AQR: variants seen among roughly 807,000 people sequenced by gnomAD.
AQR encodes aquarius intron-binding spliceosomal factor.
In AQR, 61 loss-of-function variants were observed where a neutral mutation model predicts 180.5. The ratio of observed to expected loss-of-function variants is 0.34; its 90% CI spans 0.28 to 0.42. The LOEUF (loss-of-function observed/expected upper bound fraction) is 0.42. Among genes scored for constraint, AQR ranks in the 10% least tolerant of loss-of-function variants. The pLI is 1.00. For synonymous variants in AQR, 551 were observed against 588.8 expected, an observed-to-expected ratio of 0.94 and a Z score of 0.93; for missense variants, 1,281 against 1,798.3, an observed-to-expected ratio of 0.71 and a Z score of 5.20.
chr15:34,926,642 C>G (rs1019707925), intron 13 of AQR, among the ~76,000 whole-genome samples: 1 of 152,194 alleles, frequency 6.6e-6, no homozygotes, highest in Non-Finnish European at 1.5e-5. Context: ...AGATAGCTAA[C>G]TGCCAGAGGA....
In AQR at chr15:34,870,904, A is replaced by G; in HGVS notation, c.3616T>C (p.Tyr1206His). The change falls in exon 31 of 35, where the codon TAT becomes CAT. Residue 1206 changes from tyrosine (Y) to histidine (H), a missense_variant. Around this residue, in one of 9 missense-constraint regions of AQR, gnomAD observed 197 missense variants for 320.7 expected, o/e 0.61. Transcript: ENST00000156471. The stretch of plus-strand genomic sequence containing the variant: ...ATGTACATAAAAAGTGCTACTACAT[A>G]TTCTGCCTCTCCAAGATTCTGTAAT... ...YFYQNLGEAE[Y>H]VVALFMYMCL... The G allele has an allele frequency of 1.1e-5, 18 of 1,612,398 alleles. No homozygotes were observed. The highest frequency in any genetic ancestry group is 1.5e-5 in the Non-Finnish European group (18 of 1,179,046).
chr15:34,913,781 C>A (rs1893535241), intron 16 of AQR, among the ~76,000 whole-genome samples: 1 of 152,184 alleles, frequency 6.6e-6, no homozygotes, highest in Admixed American at 6.5e-5. Flanking sequence ...ATCAAGCACT[C>A]CCCTAGGGTG....
chr15:34,872,881 A>T (rs1190802379), intron 30 of AQR, among the ~76,000 whole-genome samples: 1 of 152,088 alleles, frequency 6.6e-6, no homozygotes, highest in African/African-American at 2.4e-5. Flanking sequence ...AATAACCCCA[A>T]ATGCTACCAA....
At chr15:34,905,348 T>C (rs1431017046) in intron 18 of AQR, among the ~76,000 whole-genome samples, 1 of 151,924 alleles carries the variant, frequency 6.6e-6, no homozygotes, top group East Asian at 1.9e-4. Context: ...AGTTGTAATT[T>C]AATAATAAGT....
chr15:34,946,796 C>T (rs1211059710), intron 5 of AQR, among the ~76,000 whole-genome samples: 53 of 147,048 alleles, frequency 3.6e-4, no homozygotes, highest in East Asian at 1.0e-3. Flanking sequence ...CTGCCCCGTC[C>T]GGGAAGTGAG....
chr15:34,924,445 T>C (rs1466626060), intron 13 of AQR, among the ~76,000 whole-genome samples: 1 of 152,114 alleles, frequency 6.6e-6, no homozygotes, highest in African/African-American at 2.4e-5. Flanking sequence ...CTTTTTTTTT[T>C]TTTTGAGACA....
At chr15:34,965,530 G>A (rs2140510916) in intron 1 of AQR, among the ~76,000 whole-genome samples, 1 of 152,270 alleles carries the variant, frequency 6.6e-6, no homozygotes, top group African/African-American at 2.4e-5. Flanking sequence ...AATTAGCCAG[G>A]CTTGGTGGTG....
At chr15:34,874,518 C>A in intron 29 of AQR, 159 bp downstream of exon 29, 2 of 676,388 alleles carry the variant, frequency 3.0e-6, no homozygotes, top group Non-Finnish European at 2.5e-6. Flanking sequence ...CCATTCACAT[C>A]TCTTGCAGAA....
At chr15:34,923,050 A>G (rs1384243783) in intron 13 of AQR, among the ~76,000 whole-genome samples, 1 of 152,204 alleles carries the variant, frequency 6.6e-6, no homozygotes, top group Non-Finnish European at 1.5e-5. Context: ...ATGGTTGACC[A>G]GAGTCTGGAA....
At chr15:34,935,045 G>A (rs192286915) in intron 9 of AQR, among the ~76,000 whole-genome samples, 4 of 152,018 alleles carry the variant, frequency 2.6e-5, no homozygotes, top group South Asian at 2.1e-4. Flanking sequence ...GAGTTTTCTC[G>A]TATGTATAAA....
intron 30 of AQR, among the ~76,000 whole-genome samples, chr15:34,871,534 C>T (rs968794708): frequency 1.3e-5 from 2 of 148,634 alleles, no homozygotes; most frequent in Non-Finnish European, 3.0e-5. Flanking sequence ...AAATTCTATA[C>T]AATGTGCCAC....
intron 27 of AQR, among the ~76,000 whole-genome samples, chr15:34,882,079 T>C (rs534313598): frequency 6.6e-6 from 1 of 152,332 alleles, no homozygotes; most frequent in African/African-American, 2.4e-5. Context: ...GTGCTGGGAT[T>C]ACAGGCATGA....
Position 34,857,094 on chromosome 15 carries a change from G to C in AQR, c.4156C>G (p.Leu1386Val). The C allele has an allele frequency of 6.4e-7, 1 of 1,558,086 alleles. No individual in the cohort carries two copies. The highest frequency in any genetic ancestry group is 2.1e-5 in the Admixed American group (1 of 48,592). Residue 1386 changes from leucine (L) to valine (V), a missense_variant, in exon 35 of 35, where the codon CTA becomes GTA. Physicochemically the swap from Leu to Val is conservative, Grantham distance 32. Around this residue, in one of 9 missense-constraint regions of AQR, gnomAD observed 182 missense variants for 185.3 expected, o/e 0.98. Coordinates refer to ENST00000156471, the MANE Select transcript of AQR (RefSeq NM_014691.3). The stretch of plus-strand genomic sequence containing the variant: ...CCCTCTTCTACCATAGCAGGTGGTA[G>C]TTGTAATAAAGTCTAATTAAAAAAA... ...THHYHQTLLQ[L>V]PPAMVEEGEE...
chr15:34,927,699 CAG>C (rs1893786242), intron 12 of AQR, among the ~76,000 whole-genome samples: 1 of 152,164 alleles, frequency 6.6e-6, no homozygotes, highest in Non-Finnish European at 1.5e-5. Flanking sequence ...GATTTAACAA[CAG>C]AGTGATTGAA....
chr15:34,900,553 C>T (rs886593005), intron 20 of AQR, 69 bp downstream of exon 20: 6 of 1,533,670 alleles, frequency 3.9e-6, no homozygotes, highest in Non-Finnish European at 4.4e-6. Context: ...CTTTAGCTAA[C>T]AATCCTGATG....
Position 34,860,250 on chromosome 15 carries a change from C to T in AQR, c.4030-95G>A, listed in dbSNP as rs1235491444. The T allele has an allele frequency of 2.5e-5, 13 of 520,570 alleles. No homozygotes were observed. In the East Asian group the frequency reaches 4.2e-4, roughly 17 times the overall value. The allele number at this position is 520,570 out of a possible 1,614,324, so 32.2% of individuals were successfully genotyped here. A position where few individuals can be genotyped will look rare whatever the true frequency, so the allele number is the denominator to read the frequency against. Reference sequence around the variant, plus strand: ...CCCATTTCTTAATCTTATGAATAAGCACAATTAGGGTCTGGAAGACCTAAC... The same window carrying T: ...CCCATTTCTTAATCTTATGAATAAGTACAATTAGGGTCTGGAAGACCTAAC... On this transcript the variant is annotated intron_variant, in intron 33 of 34. Transcript: ENST00000156471.
chr15:34,925,826 C>T (rs1181784366), intron 13 of AQR, among the ~76,000 whole-genome samples: 1 of 151,128 alleles, frequency 6.6e-6, no homozygotes, highest in African/African-American at 2.4e-5. Flanking sequence ...GAGCAAGACT[C>T]CGTCTCAAAA....
intron 4 of AQR, among the ~76,000 whole-genome samples, chr15:34,950,556 C>T (rs75562032): frequency 6.6e-6 from 1 of 151,452 alleles, no homozygotes; most frequent in Non-Finnish European, 1.5e-5. Context: ...CCCTCCCCCA[C>T]GTCTATCCAT....
At chr15:34,898,273 C>T (rs2140475362) in intron 20 of AQR, among the ~76,000 whole-genome samples, 1 of 152,190 alleles carries the variant, frequency 6.6e-6, no homozygotes, top group Middle Eastern at 3.4e-3. Context: ...GAGGTAACTC[C>T]CCACAGATAC....
Sources: allele counts gnomAD v4.1 joint callset (sites outside exome capture counted in the v4.1 genomes callset), GRCh38; gene constraint gnomAD v4.1.1; regional missense constraint gnomAD v4.1.1; transcripts MANE v1.5; gene names NCBI Gene and HGNC (gene_info 2026-07-23, HGNC 2026-07-21).